Variants in LPAR6 observed in about 807,000 individuals in gnomAD.
LPAR6 encodes G-protein coupled purinergic receptor P2Y5.
LPAR6 carries 17 observed loss-of-function variants against 22.0 expected under a neutral mutation model. The ratio of observed to expected loss-of-function variants is 0.77; its 90% CI spans 0.53 to 1.16. LPAR6 has a LOEUF of 1.16. LPAR6 is among the 50% of genes most tolerant of loss of function. The pLI, the probability that LPAR6 is intolerant of heterozygous loss-of-function variation, is 0.00. For synonymous variants in LPAR6, 136 were observed against 139.8 expected (o/e 0.97, Z 0.19); for missense variants, 384 against 406.9 (o/e 0.94, Z 0.48).
chr13:48,438,741 T>C (rs909718305), intron 1 of LPAR6, among the ~76,000 whole-genome samples: 1 of 152,232 alleles, frequency 6.6e-6, no homozygotes, highest in Admixed American at 6.5e-5. Context: ...TTCTAGAGTT[T>C]GTTGTGAGAA....
At chr13:48,406,852 A>C (rs1181373188), downstream of LPAR6, 1 of 152,284 alleles carries the variant, frequency 6.6e-6, no homozygotes, top group East Asian at 1.9e-4. Context: ...CCAGGTATTC[A>C]AGTCCAGCCT....
chr13:48,439,576 T>A (rs1012465142), intron 1 of LPAR6: 1 of 152,154 alleles, frequency 6.6e-6, no homozygotes, highest in Non-Finnish European at 1.5e-5. Context: ...AAACTAAAGT[T>A]AATGAAATGT....
In LPAR6 at chr13:48,412,761, G is replaced by A. The variant is rs2138205962; in HGVS notation, c.-338C>T. The A allele has an allele frequency of 3.0e-6, 1 of 336,170 alleles. No individual in the cohort carries two copies. Among genetic ancestry groups the A allele is most frequent in the South Asian group, 3.2e-5 (1 of 31,632 alleles). The allele number at this position is 336,170 out of a possible 1,614,324, so 20.8% of individuals were successfully genotyped here. On this transcript the variant is annotated 5_prime_UTR_variant, in exon 1 of 1. Transcript: ENST00000620633. ...GATTATAAATTTAAAGAAAAGCTGTGATCTGTGACCAGAATGAAACCACTT... is the reference window on the plus strand; with the variant it reads ...GATTATAAATTTAAAGAAAAGCTGTAATCTGTGACCAGAATGAAACCACTT...
chr13:48,430,892 C>CAGCCTGGG (rs1026744710), upstream of LPAR6, among the ~76,000 whole-genome samples: 7 of 152,064 alleles, frequency 4.6e-5, no homozygotes, highest in African/African-American at 1.7e-4. Context: ...CACTGTACTT[C>CAGCCTGGG]AGCCTGGGTG....
At chr13:48,435,986 C>T (rs755129678) in intron 1 of LPAR6, among the ~76,000 whole-genome samples, 8 of 152,088 alleles carry the variant, frequency 5.3e-5, no homozygotes, top group Non-Finnish European at 8.8e-5. Context: ...AAAAACAAAA[C>T]CCAACTCTAT....
At chr13:48,395,419 A>C (rs940066570) in intron 1 of LPAR6, among the ~76,000 whole-genome samples, 1 of 152,144 alleles carries the variant, frequency 6.6e-6, no homozygotes, top group Non-Finnish European at 1.5e-5. Context: ...GGTGGGTAAT[A>C]ACAAACTCCT....
chr13:48,403,783 C>T (rs1303980434), intron 1 of LPAR6, among the ~76,000 whole-genome samples: 6 of 152,074 alleles, frequency 3.9e-5, no homozygotes, highest in Non-Finnish European at 7.4e-5. Flanking sequence ...CTGGGTACTA[C>T]ACTTTGTGAG....
At chr13:48,418,655 A>C (rs561279972) in intron 2 of LPAR6, among the ~76,000 whole-genome samples, 36 of 152,036 alleles carry the variant, frequency 2.4e-4, no homozygotes, top group Non-Finnish European at 4.4e-4. Flanking sequence ...TCACATGCAA[A>C]GACACGTGCT....
At chr13:48,437,593 G>T (rs1427783668) in intron 1 of LPAR6, among the ~76,000 whole-genome samples, 1 of 152,174 alleles carries the variant, frequency 6.6e-6, no homozygotes, top group Non-Finnish European at 1.5e-5. Context: ...CACTCGTGTG[G>T]TTGTTGGCAG....
chr13:48,423,906 T>A (rs1023089043), intron 1 of LPAR6: 1 of 152,272 alleles, frequency 6.6e-6, no homozygotes, highest in Non-Finnish European at 1.5e-5. Flanking sequence ...CTGGGCAACA[T>A]AACGAGACAC....
At chr13:48,439,963 C>T (rs1401723211) in intron 1 of LPAR6, among the ~76,000 whole-genome samples, 1 of 152,050 alleles carries the variant, frequency 6.6e-6, no homozygotes, top group South Asian at 2.1e-4. Flanking sequence ...TAGATAGATA[C>T]ATGCATACAT....
chr13:48,405,170 C>T (rs1198682811), intron 1 of LPAR6, among the ~76,000 whole-genome samples: 4 of 152,000 alleles, frequency 2.6e-5, no homozygotes, highest in Admixed American at 1.3e-4. Flanking sequence ...TGCAACAAGC[C>T]CAGAAAATGT....
At chr13:48,401,970 A>G (rs1948696040) in intron 1 of LPAR6, among the ~76,000 whole-genome samples, 1 of 152,154 alleles carries the variant, frequency 6.6e-6, no homozygotes, top group Non-Finnish European at 1.5e-5. Context: ...TTATTTTAAG[A>G]TAATTTAATT....
intron 1 of LPAR6, among the ~76,000 whole-genome samples, chr13:48,395,091 A>T (rs1452771744): frequency 4.6e-5 from 1 of 21,826 alleles, no homozygotes; most frequent in Non-Finnish European, 4.8e-4. Context: ...TCCACTGGTG[A>T]TACCAGGCAA....
Position 48,411,617 on chromosome 13 carries a change from T to C in LPAR6, c.807A>G (p.Val269=), listed in dbSNP as rs1308279379. The C allele has an allele frequency of 3.1e-6, 5 of 1,612,238 alleles. No individual in the cohort carries two copies. In the East Asian group the frequency reaches 1.1e-4, roughly 36 times the overall value. Reference sequence around the variant, plus strand: ...AGAGAGTGATTGGGTACATTGTCCTTACTGCTGCCACTACTGAGCAATTAA... The same window carrying C: ...AGAGAGTGATTGGGTACATTGTCCTCACTGCTGCCACTACTGAGCAATTAA... The part of the protein sequence containing the change: ...TFVNCSVVAA[V]RTMYPITLCI... Residue 269 remains valine (V), a synonymous_variant, in exon 1 of 1, where the codon GTA becomes GTG. Transcript: ENST00000620633.
intron 1 of LPAR6, among the ~76,000 whole-genome samples, chr13:48,403,597 G>A (rs78292324): frequency 0.045 from 6,879 of 152,132 alleles, 531 homozygotes; most frequent in African/African-American, 0.15. Context: ...TAATCAGGAA[G>A]GTTTTCTAAA....
At position 48,411,498 on chromosome 13, in the gene LPAR6, A is replaced by G. The variant is rs756065449; in HGVS notation, c.926T>C (p.Val309Ala). 1 of 1,612,920 alleles carries G rather than the reference A, an allele frequency of 6.2e-7. No homozygotes were observed. Among genetic ancestry groups the G allele is most frequent in the Non-Finnish European group, 8.5e-7 (1 of 1,179,338 alleles). The change falls in exon 1 of 1, where the codon GTC (valine) becomes GCC (alanine). Residue 309 changes from valine to alanine, a missense_variant. Transcript: ENST00000620633. ...QNSIKMKNWS[V>A]RRSDFRFSEV... ...AGAGAATCTGAAGTCACTTCTCCTG[A>G]CAGACCAGTTTTTCATTTTTATTGA...
At chr13:48,443,554 T>G (rs776629802) in intron 1 of LPAR6, among the ~76,000 whole-genome samples, 14 of 152,186 alleles carry the variant, frequency 9.2e-5, no homozygotes, top group Non-Finnish European at 1.9e-4. Flanking sequence ...AGGTAATACA[T>G]TCAAATAAAA....
At chr13:48,414,764 T>G (rs1158026334), upstream of LPAR6, among the ~76,000 whole-genome samples, 5 of 152,232 alleles carry the variant, frequency 3.3e-5, no homozygotes, top group East Asian at 9.6e-4. Context: ...ACTAGAAAAT[T>G]CATCTATTAT....
Sources: allele counts gnomAD v4.1 joint callset (sites outside exome capture counted in the v4.1 genomes callset), GRCh38; gene constraint gnomAD v4.1.1; transcripts MANE v1.5; gene names NCBI Gene and HGNC (gene_info 2026-07-23, HGNC 2026-07-21).